The following TOP1 variants were observed in gnomAD, a reference collection of about 807,000 sequenced individuals.
TOP1 encodes DNA topoisomerase 1.
Under a neutral mutation model 111.1 loss-of-function variants are expected in TOP1, and 10 were observed. That is an observed-to-expected ratio of 0.09 (90% CI 0.06 to 0.15). The LOEUF (loss-of-function observed/expected upper bound fraction) is 0.15. Ranked by LOEUF, TOP1 falls within the 10% of genes least tolerant of loss-of-function variation. TOP1 has a pLI of 1.00. For missense variants in TOP1, 474 were observed against 926.7 expected, an observed-to-expected ratio of 0.51 and a Z score of 6.34; for synonymous variants, 271 against 302.9, an observed-to-expected ratio of 0.89 and a Z score of 1.10.
Position 41,109,311 on chromosome 20 carries a change from C to T in TOP1, c.1309-3471C>T, listed in dbSNP as rs944327920. On this transcript the variant is annotated intron_variant, in intron 13 of 20. Coordinates refer to ENST00000361337, the MANE Select transcript of TOP1 (RefSeq NM_003286.4). The surrounding 1 kb of genome is among the most constrained non-coding windows in gnomAD (Gnocchi z 4.1). The stretch of plus-strand genomic sequence containing the variant: ...TGGCATCTTGGTATAAAATTCAAAA[C>T]GTTTTAAATCTATTTATTAGTAAGA... Among the ~76,000 whole-genome samples the T allele has an allele frequency of 1.3e-5, 2 of 151,976 alleles. No individual in the cohort carries two copies. Among genetic ancestry groups the T allele is most frequent in the Admixed American group, 6.6e-5 (1 of 15,254 alleles).
chr20:41,072,406 T>C, intron 3 of TOP1: 2 of 985,386 alleles, frequency 2.0e-6, no homozygotes, highest in African/African-American at 3.5e-5. Flanking sequence ...AAGTCAAACA[T>C]ATCCTAAGCC....
rs572277482 is a variant in TOP1, at chr20:41,046,204, A to G, written c.59-15190A>G. Among the ~76,000 whole-genome samples the G allele has an allele frequency of 6.6e-6, 1 of 152,364 alleles. No individual in the cohort carries two copies. Among genetic ancestry groups the G allele is most frequent in the South Asian group, 2.1e-4 (1 of 4,832 alleles). Reference sequence around the variant, plus strand: ...TCTTAAGAATTCTAAGCTTTCATTTATCAATCCTGAGGTAGTTAACATTAC... The same window carrying G: ...TCTTAAGAATTCTAAGCTTTCATTTGTCAATCCTGAGGTAGTTAACATTAC... On this transcript the variant is annotated intron_variant, in intron 2 of 20. Transcript: ENST00000361337. This position sits in a 1 kb window ranked among gnomAD's most constrained non-coding sequence, Gnocchi z 4.3.
Position 41,030,251 on chromosome 20 carries a change from C to T in TOP1, c.58+796C>T, listed in dbSNP as rs955457151. The stretch of plus-strand genomic sequence containing the variant: ...AGTCACTGGAACTTTTCATTGTGGT[C>T]GAGGTTCCCAATGCAGTGTTTTTCT... On this transcript the variant is annotated intron_variant, in intron 2 of 20. Transcript: ENST00000361337. The surrounding 1 kb of genome is among the most constrained non-coding windows in gnomAD (Gnocchi z 4.1). Among the ~76,000 whole-genome samples, 3 of 151,946 alleles carry T rather than the reference C, an allele frequency of 2.0e-5. No individual in the cohort carries two copies. Among genetic ancestry groups the T allele is most frequent in the Non-Finnish European group, 1.5e-5 (1 of 67,996 alleles).
rs2034266540 is a variant in TOP1 at position 41,112,980 on chromosome 20, TCTG to T, written c.1452+58_1452+60del. 4.4e-6 allele frequency: 7 copies of T among 1,580,836 alleles called. No individual in the cohort carries two copies. The highest frequency in any genetic ancestry group is 6.0e-6 in the Non-Finnish European group (7 of 1,159,996). On this transcript the variant is annotated intron_variant, in intron 14 of 20. Coordinates refer to ENST00000361337, the MANE Select transcript of TOP1 (RefSeq NM_003286.4). This position sits in a 1 kb window ranked among gnomAD's most constrained non-coding sequence, Gnocchi z 5.8. ...AGTGTTGAGCTTAACAAAGGGAGTT[TCTG>T]CTCTGCCCCAGGCCCTGTGCCACAT...
intron 13 of TOP1, among the ~76,000 whole-genome samples, chr20:41,105,308 A>G (rs963544211): frequency 6.6e-6 from 1 of 152,182 alleles, no homozygotes; most frequent in African/African-American, 2.4e-5. Context: ...ATATTGTACA[A>G]CCTATTGTAA....
Position 41,076,243 on chromosome 20 carries a change from G to A in TOP1, c.228G>A (p.Lys76=), listed in dbSNP as rs752903786. The part of the protein sequence containing the change: ...KTKHKDGSSE[K]HKDKHKDRDK... The stretch of plus-strand genomic sequence containing the variant: ...AACACAAAGATGGAAGCTCAGAAAA[G>A]CATAAAGACAAACATAAAGACAGAG... The change falls in exon 4 of 21, where the codon AAG becomes AAA. Residue 76 remains lysine, a synonymous_variant. Transcript: ENST00000361337. 3 of 1,603,598 alleles carry A rather than the reference G, an allele frequency of 1.9e-6. No homozygotes were observed. The highest frequency in any genetic ancestry group is 2.2e-5 in the South Asian group (2 of 90,744).
At chr20:41,053,531 C>G (rs2033431734) in intron 2 of TOP1, among the ~76,000 whole-genome samples, 1 of 152,118 alleles carries the variant, frequency 6.6e-6, no homozygotes, top group Non-Finnish European at 1.5e-5. Flanking sequence ...AATAGCAGCA[C>G]AGCAGAAAAA....
At chr20:41,045,435 G>C (rs2033321560) in intron 2 of TOP1, among the ~76,000 whole-genome samples, 1 of 152,170 alleles carries the variant, frequency 6.6e-6, no homozygotes. Flanking sequence ...GTTTACCAAA[G>C]CAGTTGGAAG....
chr20:41,064,607 G>C (rs148192996), intron 3 of TOP1, among the ~76,000 whole-genome samples: 274 of 152,138 alleles, frequency 1.8e-3, no homozygotes, highest in African/African-American at 6.4e-3. Flanking sequence ...TTCTGATGCC[G>C]CTAAGCCTTT....
At chr20:41,113,006 C>A in intron 14 of TOP1, 81 bp downstream of exon 14, 1 of 1,419,442 alleles carries the variant, frequency 7.0e-7, no homozygotes, top group Non-Finnish European at 9.6e-7. Flanking sequence ...CCCTGTGCCA[C>A]ATACTGTATA....
In TOP1 at chr20:41,118,374, A is replaced by C; in HGVS notation, c.1950+78A>C. 1 of 1,551,172 alleles carries C rather than the reference A, an allele frequency of 6.4e-7. No individual in the cohort carries two copies. The highest frequency in any genetic ancestry group is 8.8e-7 in the Non-Finnish European group (1 of 1,131,050). ...GAATGAGAGGATTCAGGGCTGAGAT[A>C]TCAGCAGGCCAGTGCTGGGTCTGTT... On this transcript the variant is annotated intron_variant, in intron 18 of 20. Transcript: ENST00000361337. The surrounding 1 kb of genome is among the most constrained non-coding windows in gnomAD (Gnocchi z 4.6).
In TOP1 at chr20:41,046,665, T is replaced by C. The variant is rs1459766626; in HGVS notation, c.59-14729T>C. On this transcript the variant is annotated intron_variant, in intron 2 of 20. Coordinates refer to ENST00000361337, the MANE Select transcript of TOP1 (RefSeq NM_003286.4). This position sits in a 1 kb window ranked among gnomAD's most constrained non-coding sequence, Gnocchi z 4.3. ...TTGTTCCAGAAATCAGTAAAACCTA[T>C]TTGAGTATTCAAGAAAAAGGATCTT... Among the ~76,000 whole-genome samples the C allele has an allele frequency of 6.6e-6, 1 of 152,216 alleles. No individual in the cohort carries two copies. The highest frequency in any genetic ancestry group is 6.5e-5 in the Admixed American group (1 of 15,280).
chr20:41,073,728 G>A (rs768950568), intron 3 of TOP1, among the ~76,000 whole-genome samples: 1 of 152,210 alleles, frequency 6.6e-6, no homozygotes, highest in Admixed American at 6.5e-5. Context: ...TGAGGGGATA[G>A]ATAATAAAAC....
intron 8 of TOP1, among the ~76,000 whole-genome samples, chr20:41,089,267 C>G (rs1266840341): frequency 6.6e-6 from 1 of 152,150 alleles, no homozygotes; most frequent in Non-Finnish European, 1.5e-5. Context: ...CTCAGATGAT[C>G]TGCCCGCCTT....
chr20:41,088,735 A>G (rs1206927410), intron 8 of TOP1, among the ~76,000 whole-genome samples: 2 of 152,128 alleles, frequency 1.3e-5, no homozygotes, highest in Non-Finnish European at 2.9e-5. Flanking sequence ...TTCTATTAAT[A>G]TATCAATGAC....
Position 41,082,139 on chromosome 20 carries a change from G to A in TOP1, c.507+899G>A, listed in dbSNP as rs930547890. Reference sequence around the variant, plus strand: ...TTCTTAGCTCTTATGCTACATTTGAGGTTAGCCACTGTCATGGGCAAAATG... The same window carrying A: ...TTCTTAGCTCTTATGCTACATTTGAAGTTAGCCACTGTCATGGGCAAAATG... On this transcript the variant is annotated intron_variant, in intron 7 of 20. Coordinates refer to ENST00000361337, the MANE Select transcript of TOP1 (RefSeq NM_003286.4). This position sits in a 1 kb window ranked among gnomAD's most constrained non-coding sequence, Gnocchi z 4.1. Among the ~76,000 whole-genome samples the A allele has an allele frequency of 6.6e-6, 1 of 152,158 alleles. No individual in the cohort carries two copies. The highest frequency in any genetic ancestry group is 2.4e-5 in the African/African-American group (1 of 41,440).
At chr20:41,039,838 C>T (rs1472143672) in intron 2 of TOP1, among the ~76,000 whole-genome samples, 3 of 151,930 alleles carry the variant, frequency 2.0e-5, no homozygotes, top group Non-Finnish European at 4.4e-5. Flanking sequence ...ACCCAGGAGG[C>T]GGAGCTTGCA....
rs2033928532 is a variant in TOP1 at position 41,092,187 on chromosome 20, G to T, written c.615-285G>T. ...GTTTACATTTTCAAGTCCCTCACTT[G>T]TTACTGAGCTCCTTCATTGTTGATC... is the stretch of plus-strand genomic sequence containing the variant. On this transcript the variant is annotated intron_variant, in intron 8 of 20. Transcript: ENST00000361337. The surrounding 1 kb of genome is among the most constrained non-coding windows in gnomAD (Gnocchi z 4.3). Among the ~76,000 whole-genome samples, 3 of 152,192 alleles carry T rather than the reference G, an allele frequency of 2.0e-5. No homozygotes were observed. The highest frequency in any genetic ancestry group is 4.4e-5 in the Non-Finnish European group (3 of 68,032).
chr20:41,040,481 GGGA>G (rs1469101901), intron 2 of TOP1, among the ~76,000 whole-genome samples: 3 of 152,198 alleles, frequency 2.0e-5, no homozygotes, highest in Non-Finnish European at 2.9e-5. Flanking sequence ...GGAGAGGAAA[GGGA>G]GGAGAAGGAA....
Sources: allele counts gnomAD v4.1 joint callset (sites outside exome capture counted in the v4.1 genomes callset), GRCh38; gene constraint gnomAD v4.1.1; non-coding constraint Gnocchi (gnomAD v3.1); transcripts MANE v1.5; gene names NCBI Gene and HGNC (gene_info 2026-07-23, HGNC 2026-07-21).